Variants in TENM4 observed in about 807,000 individuals in gnomAD.
TENM4 encodes teneurin transmembrane protein 4, also known as teneurin-4.
In TENM4, 82 loss-of-function variants were observed where a neutral mutation model predicts 243.3. The observed-to-expected ratio is 0.34, with a 90% CI of 0.28 to 0.40. TENM4 has a LOEUF of 0.40. Among genes scored for constraint, TENM4 ranks in the 10% least tolerant of loss-of-function variants. The pLI is 1.00. For missense variants in TENM4, 3,138 were observed against 3,673.3 expected, an observed-to-expected ratio of 0.85 and a Z score of 3.77; for synonymous variants, 1,412 against 1,456.3, an observed-to-expected ratio of 0.97 and a Z score of 0.69.
chr11:79,257,966 T>C (rs540881665), intron 2 of TENM4, among the ~76,000 whole-genome samples: 1 of 152,306 alleles, frequency 6.6e-6, no homozygotes, highest in East Asian at 1.9e-4. Flanking sequence ...GAGAGTCTGC[T>C]CAGGTGCAAG....
rs1484483885 is a variant in TENM4 at position 78,712,546 on chromosome 11, G to A, written c.3990C>T (p.Pro1330=). 6.2e-7 allele frequency: 1 copy of A among 1,613,868 alleles called. No individual in the cohort carries two copies. Among genetic ancestry groups the A allele is most frequent in the Non-Finnish European group, 8.5e-7 (1 of 1,179,896 alleles). ...VVAGTGDQCL[P]FDDTRCGDGG... ...CATCCCCGCAGCGAGTGTCATCAAA[G>A]GGGAGGCACTGGTCACCTGTCCCCG... Residue 1330 remains proline (P), a synonymous_variant, in exon 26 of 34, where the codon CCC becomes CCT. Coordinates refer to ENST00000278550, the MANE Select transcript of TENM4 (RefSeq NM_001098816.3).
intron 1 of TENM4, among the ~76,000 whole-genome samples, chr11:79,305,654 A>G (rs566307680): frequency 3.9e-4 from 60 of 152,356 alleles, no homozygotes; most frequent in African/African-American, 1.4e-3. Context: ...CAAAGGGCTC[A>G]GGGGCCAGCT....
intron 4 of TENM4, chr11:79,095,981 C>G (rs117820848): frequency 3.9e-5 from 6 of 152,170 alleles, no homozygotes; most frequent in Admixed American, 2.6e-4. Context: ...ATGTGCCATC[C>G]GATTGCTATC....
intron 1 of TENM4, among the ~76,000 whole-genome samples, chr11:79,426,637 T>A (rs918552843): frequency 7.2e-5 from 11 of 152,196 alleles, no homozygotes; most frequent in African/African-American, 2.4e-4. Context: ...TATGATTTCC[T>A]GACGGCTGAG....
chr11:79,023,429 G>T (rs1293898040), intron 6 of TENM4, among the ~76,000 whole-genome samples: 1 of 152,034 alleles, frequency 6.6e-6, no homozygotes, highest in Non-Finnish European at 1.5e-5. Context: ...GGGCGCAGTG[G>T]TGTGCACCTG....
At chr11:79,383,250 C>A (rs1336237174) in intron 1 of TENM4, among the ~76,000 whole-genome samples, 2 of 152,214 alleles carry the variant, frequency 1.3e-5, no homozygotes, top group African/African-American at 4.8e-5. Flanking sequence ...ACAATGCCAG[C>A]TCCTGCCCAC....
At chr11:79,352,398 G>A (rs1272824206) in intron 1 of TENM4, among the ~76,000 whole-genome samples, 1 of 152,194 alleles carries the variant, frequency 6.6e-6, no homozygotes, top group Non-Finnish European at 1.5e-5. Context: ...TTCCCATGGA[G>A]CCAAGAGTGA....
At chr11:79,015,818 T>G (rs2136775841) in intron 6 of TENM4, among the ~76,000 whole-genome samples, 1 of 152,294 alleles carries the variant, frequency 6.6e-6, no homozygotes, top group East Asian at 1.9e-4. Flanking sequence ...GGAATGGTCA[T>G]AAGTGCTCTG....
rs1857813678 is a variant in TENM4, at chr11:78,653,259, C to T, written c.*4799G>A. ...ACAGGCAAGAGGAAGCCTTTATCTC[C>T]AAGCAAAGGCCACCAGACACCTGTA... On this transcript the variant is annotated 3_prime_UTR_variant, in exon 34 of 34. Coordinates refer to ENST00000278550, the MANE Select transcript of TENM4 (RefSeq NM_001098816.3). 1.3e-5 allele frequency: 2 copies of T among 152,108 alleles called. No homozygotes were observed. The highest frequency in any genetic ancestry group is 4.8e-5 in the African/African-American group (2 of 41,410). 9.4% of individuals were successfully genotyped at this position (152,108 alleles called of 1,614,324 possible).
rs141315845 is a variant in TENM4 at position 79,335,674 on chromosome 11, C to T, written c.-320-38131G>A. 3.0e-4 allele frequency among the ~76,000 whole-genome samples: 45 copies of T among 152,266 alleles called. 1 individual carries two copies. The East Asian group carries it at 7.5e-3, about 26-fold the overall frequency. ...CAGGATTAATTCATGAGGTCTGTTC[C>T]ACCTCAGTCTTTCACATAAGGCCTG... On this transcript the variant is annotated intron_variant, in intron 1 of 33. Coordinates refer to ENST00000278550, the MANE Select transcript of TENM4 (RefSeq NM_001098816.3).
intron 12 of TENM4, among the ~76,000 whole-genome samples, chr11:78,847,361 C>A (rs1342588552): frequency 6.6e-6 from 1 of 152,226 alleles, no homozygotes; most frequent in African/African-American, 2.4e-5. Flanking sequence ...AAGGTAAGAT[C>A]CCAAGGGCAG....
chr11:78,923,693 CTTTTTTTTTT>C (rs1172776088), intron 6 of TENM4, among the ~76,000 whole-genome samples: 2 of 53,654 alleles, frequency 3.7e-5, no homozygotes, highest in African/African-American at 7.3e-5. Context: ...ATGCACCTGG[CTTTTTTTTTT>C]TTTTTTTTTT....
At chr11:78,812,038 C>T in intron 14 of TENM4, 84 bp downstream of exon 14, 1 of 1,471,760 alleles carries the variant, frequency 6.8e-7, no homozygotes, top group South Asian at 1.4e-5. Context: ...GGAGGCTTCC[C>T]CTGCTCCCTG....
At chr11:78,751,886 C>G (rs1385437565) in intron 19 of TENM4, among the ~76,000 whole-genome samples, 1 of 152,222 alleles carries the variant, frequency 6.6e-6, no homozygotes, top group Admixed American at 6.5e-5. Flanking sequence ...AGCTCCTCCT[C>G]TCCTAAGTGT....
chr11:78,736,551 C>T (rs1419378264), intron 20 of TENM4, among the ~76,000 whole-genome samples: 2 of 151,716 alleles, frequency 1.3e-5, no homozygotes, highest in African/African-American at 4.9e-5. Context: ...TCCTGGAAAG[C>T]GAAGAATACA....
intron 4 of TENM4, among the ~76,000 whole-genome samples, chr11:79,087,157 T>C (rs1339086833): frequency 6.6e-6 from 1 of 152,172 alleles, no homozygotes; most frequent in Admixed American, 6.5e-5. Context: ...TGATCCTGTA[T>C]TAAATAAAGA....
intron 29 of TENM4, 66 bp downstream of exon 29, chr11:78,687,988 C>T: frequency 1.9e-6 from 3 of 1,547,824 alleles, no homozygotes; most frequent in Non-Finnish European, 2.6e-6. Flanking sequence ...TTTCTTGTGC[C>T]ATCCTCCTCC....
intron 30 of TENM4, 142 bp downstream of exon 30, chr11:78,676,010 T>C: frequency 1.2e-6 from 1 of 810,404 alleles, no homozygotes; most frequent in Non-Finnish European, 1.8e-6. Flanking sequence ...GGGTCTCTGA[T>C]CACACATGGT....
chr11:79,384,072 G>A (rs564396912), intron 1 of TENM4, among the ~76,000 whole-genome samples: 3 of 152,180 alleles, frequency 2.0e-5, no homozygotes, highest in Admixed American at 2.0e-4. Flanking sequence ...TAGCCAGCCA[G>A]ACAGACAGGC....
Sources: allele counts gnomAD v4.1 joint callset (sites outside exome capture counted in the v4.1 genomes callset), GRCh38; gene constraint gnomAD v4.1.1; transcripts MANE v1.5; gene names NCBI Gene and HGNC (gene_info 2026-07-23, HGNC 2026-07-21).